The following APOB variants were observed in gnomAD, a reference collection of about 807,000 sequenced individuals.
The protein encoded by APOB is apolipoprotein B-100.
In APOB, 153 loss-of-function variants were observed where a neutral mutation model predicts 314.1. That is an observed-to-expected ratio of 0.49 (90% CI 0.43 to 0.56). The LOEUF (loss-of-function observed/expected upper bound fraction) is 0.56, where lower values mean the gene tolerates loss of function less well. APOB is among the 20% of genes least tolerant of loss of function. The pLI is 0.00. For synonymous variants in APOB, 2,087 were observed against 2,036.4 expected, an observed-to-expected ratio of 1.02 and a Z score of -0.67; for missense variants, 5,430 against 5,350.7, an observed-to-expected ratio of 1.01 and a Z score of -0.46.
Position 21,006,904 on chromosome 2 carries a change from C to A in APOB, c.9964G>T (p.Glu3322Ter). Residue 3322 changes from glutamate (E) to a stop codon, truncating the protein, a stop_gained, in exon 26 of 29, where the codon GAA (glutamate) becomes TAA (stop). Coordinates refer to ENST00000233242, the MANE Select transcript of APOB (RefSeq NM_000384.3). LOFTEE classifies it high-confidence loss of function. ...NLKLSLPDFK[E>*]LCTISHIFIP... ...AAAATATGGCTTATGGTACACAATTCCTTGAAATCTGGAAGAGAAAGCTTG... is the reference window on the plus strand; with the variant it reads ...AAAATATGGCTTATGGTACACAATTACTTGAAATCTGGAAGAGAAAGCTTG... 6.2e-7 allele frequency: 1 copy of A among 1,614,046 alleles called. No homozygotes were observed.
At chr2:21,035,143 A>G (rs578126958) in intron 7 of APOB, among the ~76,000 whole-genome samples, 13 of 152,364 alleles carry the variant, frequency 8.5e-5, no homozygotes, top group Admixed American at 6.5e-5. Flanking sequence ...GGCCAGAGGT[A>G]GGAACTAGTG....
Position 21,002,812 on chromosome 2 carries a change from A to C in APOB, c.12610T>G (p.Phe4204Val), listed in dbSNP as rs775091905. Residue 4204 changes from phenylalanine to valine, a missense_variant, in exon 29 of 29, where the codon TTT becomes GTT. Coordinates refer to ENST00000233242, the MANE Select transcript of APOB (RefSeq NM_000384.3). ...IDFLNFPRFQ[F>V]PGKPGIYTRE... The stretch of plus-strand genomic sequence containing the variant: ...GTGTATATCCCAGGTTTCCCCGGAA[A>C]CTGGAATCTGGGGAAGTTCAGAAAA... The C allele has an allele frequency of 6.2e-7, 1 of 1,611,054 alleles. No individual in the cohort carries two copies. The highest frequency in any genetic ancestry group is 1.3e-5 in the African/African-American group (1 of 74,868).
intron 10 of APOB, among the ~76,000 whole-genome samples, chr2:21,031,662 A>T (rs1367360667): frequency 6.6e-6 from 1 of 152,208 alleles, no homozygotes; most frequent in East Asian, 1.9e-4. Context: ...TAGCCTGAGC[A>T]ACATGGTGAA....
At chr2:21,024,740 T>C in intron 16 of APOB, 193 bp downstream of exon 16, 2 of 721,570 alleles carry the variant, frequency 2.8e-6, no homozygotes. Context: ...ATGAATAGCT[T>C]AATTTCTAAA....
At chr2:21,023,764 C>A in intron 16 of APOB, 72 bp from the exon 17 acceptor site, 5 of 1,297,538 alleles carry the variant, frequency 3.9e-6, no homozygotes, top group Non-Finnish European at 5.3e-6. Flanking sequence ...TACAACCTCC[C>A]ATACATTGGA....
chr2:21,043,704 AT>A (rs1184680648), intron 1 of APOB, among the ~76,000 whole-genome samples, 153 bp from the exon 2 acceptor site: 2 of 151,486 alleles, frequency 1.3e-5, no homozygotes, highest in African/African-American at 4.9e-5. Flanking sequence ...CGCGCCCCCC[AT>A]CCTGAGCCTG....
rs755054893 is a variant in APOB at position 21,029,820 on chromosome 2, G to A, written c.1471-35C>T. 10 of 1,613,468 alleles carry A rather than the reference G, an allele frequency of 6.2e-6. No individual in the cohort carries two copies. In the African/African-American group the frequency reaches 1.2e-4, roughly 19 times the overall value. On this transcript the variant is annotated intron_variant, in intron 11 of 28. Transcript: ENST00000233242. ...AGAAAAGAAACAAGAACCCATCAGGGTGCAGGAGAGGGAAGTAAAAGGTGT... is the reference window on the plus strand; with the variant it reads ...AGAAAAGAAACAAGAACCCATCAGGATGCAGGAGAGGGAAGTAAAAGGTGT...
chr2:21,009,608 A>G lies in APOB; in HGVS notation c.7260T>C (p.Leu2420=). ...ACTTTAATTTCTTTATCAACATGTC[A>G]AGGAATTTGTTAACATCTTCAATGA... ...KTFIEDVNKF[L]DMLIKKLKSF... Residue 2420 remains leucine (L), a synonymous_variant, in exon 26 of 29, where the codon CTT becomes CTC. Transcript: ENST00000233242. 6.2e-7 allele frequency: 1 copy of G among 1,613,924 alleles called. No individual in the cohort carries two copies. Among genetic ancestry groups the G allele is most frequent in the Non-Finnish European group, 8.5e-7 (1 of 1,179,854 alleles).
rs748863083 is a variant in APOB at position 21,041,002 on chromosome 2, G to A, written c.319C>T (p.Pro107Ser). The A allele has an allele frequency of 3.4e-5, 55 of 1,613,772 alleles. No homozygotes were observed. The Admixed American group carries it at 7.2e-4, about 21-fold the overall frequency. ...TTCTTCAGCAAGGCTTTGCCCTCAG[G>A]GTTGAAGCCATACACCTCTTTCAGG... ...CTLKEVYGFNPEGKALLKKTK... is the reference protein window; with the variant it reads ...CTLKEVYGFNSEGKALLKKTK... Residue 107 changes from proline to serine, a missense_variant, in exon 4 of 29, where the codon CCT becomes TCT. Physicochemically the swap from Pro to Ser is moderately conservative, Grantham distance 74. Coordinates refer to ENST00000233242, the MANE Select transcript of APOB (RefSeq NM_000384.3).
rs768656991 is a variant in APOB, at chr2:21,008,864, C to T, written c.8004G>A (p.Met2668Ile). ...IPSFTIDFVE[M>I]KVKIIRTIDQ... ...CAATGGTTCTGATGATCTTTACTTT[C>T]ATTTCTACAAAGTCAATTGTAAAGG... Residue 2668 changes from methionine to isoleucine, a missense_variant, in exon 26 of 29, where the codon ATG (methionine) becomes ATA (isoleucine). By Grantham distance (10) the Met-to-Ile change is conservative. Around this residue, in one of 3 missense-constraint regions of APOB, gnomAD observed 3,281 missense variants for 3,171.0 expected, o/e 1.03. Coordinates refer to ENST00000233242, the MANE Select transcript of APOB (RefSeq NM_000384.3). 5 of 1,614,012 alleles carry T rather than the reference C, an allele frequency of 3.1e-6. No homozygotes were observed. The highest frequency in any genetic ancestry group is 4.2e-6 in the Non-Finnish European group (5 of 1,179,930).
chr2:21,038,538 G>A (rs1179488756), intron 4 of APOB, among the ~76,000 whole-genome samples: 1 of 152,086 alleles, frequency 6.6e-6, no homozygotes, highest in Non-Finnish European at 1.5e-5. Context: ...TTTTCACCAT[G>A]TTGGCCAGGC....
chr2:21,006,795 T>C lies in APOB; in HGVS notation c.10073A>G (p.Asn3358Ser), dbSNP rs2103352287. ...GAGATGAGCAACAATATCTGACTGGTTAAAAAGTTCAGCATTGGTATTCAG... is the reference window on the plus strand; with the variant it reads ...GAGATGAGCAACAATATCTGACTGGCTAAAAAGTTCAGCATTGGTATTCAG... ...ITLNTNAELF[N>S]QSDIVAHLLS... Residue 3358 changes from asparagine to serine, a missense_variant, in exon 26 of 29, where the codon AAC becomes AGC. Asn to Ser is a conservative substitution (Grantham distance 46). Coordinates refer to ENST00000233242, the MANE Select transcript of APOB (RefSeq NM_000384.3). The C allele has an allele frequency of 1.9e-6, 3 of 1,614,072 alleles. No homozygotes were observed. The highest frequency in any genetic ancestry group is 2.5e-6 in the Non-Finnish European group (3 of 1,179,972).
rs1663986692 is a variant in APOB, at chr2:21,035,696, A to T, written c.706T>A (p.Ser236Thr). 1 of 1,614,004 alleles carries T rather than the reference A, an allele frequency of 6.2e-7. No homozygotes were observed. The highest frequency in any genetic ancestry group is 1.3e-5 in the African/African-American group (1 of 74,946). ...ALIKGMTRPL[S>T]TLISSSQSCQ... ...GACTGGCTGCTGCTGATCAGAGTTGACAAGGGGCGGGTCTATGAAAGAGAT... is the reference window on the plus strand; with the variant it reads ...GACTGGCTGCTGCTGATCAGAGTTGTCAAGGGGCGGGTCTATGAAAGAGAT... The change falls in exon 7 of 29, where the codon TCA (serine) becomes ACA (threonine). Residue 236 changes from serine to threonine, a missense_variant. By Grantham distance (58) the Ser-to-Thr change is moderately conservative (BLOSUM62 1). Around this residue, in one of 3 missense-constraint regions of APOB, gnomAD observed 2,085 missense variants for 2,079.7 expected, o/e 1.00. Coordinates refer to ENST00000233242, the MANE Select transcript of APOB (RefSeq NM_000384.3).
chr2:21,042,988 A>C (rs1664169391), intron 2 of APOB, among the ~76,000 whole-genome samples: 1 of 148,974 alleles, frequency 6.7e-6, no homozygotes, highest in Non-Finnish European at 1.5e-5. Context: ...GAAGAAAAAG[A>C]ACATCTGGGT....
At position 21,014,470 on chromosome 2, in the gene APOB, G is replaced by A. The variant is rs267599186; in HGVS notation, c.3820C>T (p.Pro1274Ser). ...TACCTTTTTAAGAAGAGGTTTTCTG[G>A]GATGTGGAAGTCTGGCAATCCCATG... The part of the protein sequence containing the change: ...QNMGLPDFHI[P>S]ENLFLKSDGR... Residue 1274 changes from proline to serine, a missense_variant, in exon 24 of 29, where the codon CCA (proline) becomes TCA (serine). By Grantham distance (74) the Pro-to-Ser change is moderately conservative (BLOSUM62 -1). Transcript: ENST00000233242. The A allele has an allele frequency of 6.2e-7, 1 of 1,614,050 alleles. No individual in the cohort carries two copies. The highest frequency in any genetic ancestry group is 8.5e-7 in the Non-Finnish European group (1 of 1,180,014).
At chr2:21,027,305 A>ACTT (rs1558571851) in intron 14 of APOB, among the ~76,000 whole-genome samples, 9 of 109,220 alleles carry the variant, frequency 8.2e-5, no homozygotes, top group African/African-American at 2.8e-4. Context: ...TTTGCATTTC[A>ACTT]ATTTTTTTTT....
In APOB at chr2:21,010,796, A is replaced by C. The variant is rs763407931; in HGVS notation, c.6072T>G (p.Ile2024Met). ...GCTCACTGAGTAAAAGTGGCACTTT[A>C]ATTGGGGAGTCTAGTAGAGTTAGGT... ...LADLTLLDSP[I>M]KVPLLLSEPI... The change falls in exon 26 of 29, where the codon ATT (isoleucine) becomes ATG (methionine). Residue 2024 changes from isoleucine to methionine, a missense_variant. Ile to Met is a conservative substitution (Grantham distance 10). Coordinates refer to ENST00000233242, the MANE Select transcript of APOB (RefSeq NM_000384.3). 3.7e-6 allele frequency: 6 copies of C among 1,614,136 alleles called. No homozygotes were observed. The Admixed American group carries it at 1.0e-4, about 27-fold the overall frequency.
chr2:21,031,012 A>C (rs113892230), intron 10 of APOB, among the ~76,000 whole-genome samples: 1 of 152,262 alleles, frequency 6.6e-6, no homozygotes, highest in African/African-American at 2.4e-5. Flanking sequence ...TGGGATTGTA[A>C]ATAAGTACAA....
chr2:21,018,962 A>G, intron 20 of APOB, 30 bp downstream of exon 20: 6 of 1,613,862 alleles, frequency 3.7e-6, no homozygotes, highest in Non-Finnish European at 5.1e-6. Context: ...CTGCGAGCAG[A>G]GATGAGGCAG....
Sources: allele counts gnomAD v4.1 joint callset (sites outside exome capture counted in the v4.1 genomes callset), GRCh38; gene constraint gnomAD v4.1.1; regional missense constraint gnomAD v4.1.1; transcripts MANE v1.5; gene names NCBI Gene and HGNC (gene_info 2026-07-23, HGNC 2026-07-21).